ESD: variants seen among roughly 807,000 people sequenced by gnomAD.
The protein encoded by ESD is esterase D.
Under a neutral mutation model 38.1 loss-of-function variants are expected in ESD, and 34 were observed. That is an observed-to-expected ratio of 0.89 (90% CI 0.68 to 1.19). The LOEUF (loss-of-function observed/expected upper bound fraction) is 1.19, where lower values mean the gene tolerates loss of function less well. Among genes scored for constraint, ESD ranks in the 50% most tolerant of loss-of-function variants. The pLI, the probability that ESD is intolerant of heterozygous loss-of-function variation, is 0.00. For synonymous variants in ESD, 97 were observed against 107.0 expected, an observed-to-expected ratio of 0.91 and a Z score of 0.58; for missense variants, 334 against 327.2, an observed-to-expected ratio of 1.02 and a Z score of -0.16.
At position 46,771,472 on chromosome 13, in the gene ESD, T is replaced by C. The variant is rs1276111212; in HGVS notation, c.793A>G (p.Ile265Val). The change falls in exon 10 of 10, where the codon ATT becomes GTT. Residue 265 changes from isoleucine (I) to valine (V), a missense_variant. Physicochemically the swap from Ile to Val is conservative, Grantham distance 29. Transcript: ENST00000378720. ...QEGYDHSYYF[I>V]ATFITDHIRH... ...ATGTGGTCAGTAATAAAGGTTGCAATGAAGTAGTAGCTATGATCATAACCC... is the reference window on the plus strand; with the variant it reads ...ATGTGGTCAGTAATAAAGGTTGCAACGAAGTAGTAGCTATGATCATAACCC... The C allele has an allele frequency of 1.2e-6, 2 of 1,606,718 alleles. No homozygotes were observed. Among genetic ancestry groups the C allele is most frequent in the Non-Finnish European group, 1.7e-6 (2 of 1,174,338 alleles).
At chr13:46,778,776 T>C (rs567716407) in intron 8 of ESD, among the ~76,000 whole-genome samples, 1 of 151,944 alleles carries the variant, frequency 6.6e-6, no homozygotes, top group South Asian at 2.1e-4. Context: ...AAATCATTTC[T>C]AGCATTCTTC....
In ESD at chr13:46,781,608, T is replaced by C; in HGVS notation, c.389A>G (p.Gln130Arg). 6.2e-7 allele frequency: 1 copy of C among 1,606,944 alleles called. No individual in the cohort carries two copies. Among genetic ancestry groups the C allele is most frequent in the East Asian group, 2.2e-5 (1 of 44,682 alleles). Residue 130 changes from glutamine to arginine, a missense_variant, in exon 7 of 10, where the codon CAA (glutamine) becomes CGA (arginine). Gln to Arg is a conservative substitution (Grantham distance 43, BLOSUM62 1). Coordinates refer to ENST00000378720, the MANE Select transcript of ESD (RefSeq NM_001984.2). ...CACTGGAAAATTGGCATTTATGAGTTGGGGAAGCTAGAAAAAATTTAATAG... is the reference window on the plus strand; with the variant it reads ...CACTGGAAAATTGGCATTTATGAGTCGGGGAAGCTAGAAAAAATTTAATAG... Reference protein sequence around the residue: ...MYSYVTEELPQLINANFPVDP... With the variant: ...MYSYVTEELPRLINANFPVDP...
intron 9 of ESD, among the ~76,000 whole-genome samples, chr13:46,774,891 T>C (rs1178131375): frequency 6.6e-6 from 1 of 152,190 alleles, no homozygotes; most frequent in Non-Finnish European, 1.5e-5. Flanking sequence ...TCTACATTTC[T>C]GGGATTCTCT....
At chr13:46,793,721 TA>T (rs1480756885) in intron 1 of ESD, among the ~76,000 whole-genome samples, 1 of 152,214 alleles carries the variant, frequency 6.6e-6, no homozygotes, top group Non-Finnish European at 1.5e-5. Flanking sequence ...GAAAGTTTTT[TA>T]TCTTTTTAAA....
At position 46,787,101 on chromosome 13, in the gene ESD, A is replaced by G; in HGVS notation, c.77T>C (p.Leu26Pro). The G allele has an allele frequency of 6.4e-7, 1 of 1,562,864 alleles. No homozygotes were observed. Among genetic ancestry groups the G allele is most frequent in the South Asian group, 1.2e-5 (1 of 84,062 alleles). The change falls in exon 4 of 10, where the codon CTA (leucine) becomes CCA (proline). Residue 26 changes from leucine to proline, a missense_variant. Transcript: ENST00000378720. ...QKVFEHDSVE[L>P]NCKMKFAVYL... ...GACAGCAAATTTCATTTTGCAGTTTAGTTCAACACTAGTTTTAACAAAAAC... is the reference window on the plus strand; with the variant it reads ...GACAGCAAATTTCATTTTGCAGTTTGGTTCAACACTAGTTTTAACAAAAAC...
At chr13:46,772,792 C>A (rs573601305) in intron 9 of ESD, among the ~76,000 whole-genome samples, 17 of 152,200 alleles carry the variant, frequency 1.1e-4, no homozygotes, top group Non-Finnish European at 1.8e-4. Context: ...TCAAGCGATT[C>A]TCCTGCCTCA....
chr13:46,776,199 T>G (rs983654245), intron 9 of ESD: 7 of 153,358 alleles, frequency 4.6e-5, no homozygotes, highest in African/African-American at 1.7e-4. Context: ...CAAATAAATC[T>G]AAAACAAAAT....
intron 9 of ESD, among the ~76,000 whole-genome samples, chr13:46,773,485 A>C (rs1009991553): frequency 6.6e-6 from 1 of 152,250 alleles, no homozygotes; most frequent in Non-Finnish European, 1.5e-5. Context: ...ATTTTGAACT[A>C]GTGAATGGTC....
intron 4 of ESD, 110 bp from the exon 5 acceptor site, chr13:46,784,460 A>T: frequency 1.4e-6 from 1 of 705,752 alleles, no homozygotes; most frequent in Non-Finnish European, 2.4e-6. Flanking sequence ...GGGCTGAAAA[A>T]CTACCAGTTA....
chr13:46,771,682 T>A (rs1312488512), intron 9 of ESD, among the ~76,000 whole-genome samples, 186 bp from the exon 10 acceptor site: 1 of 152,160 alleles, frequency 6.6e-6, no homozygotes, highest in Non-Finnish European at 1.5e-5. Flanking sequence ...CACTGTACAT[T>A]AAAAGAGCAG....
chr13:46,783,526 A>G (rs917529489), intron 5 of ESD, among the ~76,000 whole-genome samples: 2 of 143,148 alleles, frequency 1.4e-5, no homozygotes, highest in African/African-American at 5.4e-5. Context: ...GTTTATGATA[A>G]CAAAATTTTA....
At chr13:46,773,236 A>T (rs2138281419) in intron 9 of ESD, among the ~76,000 whole-genome samples, 1 of 152,272 alleles carries the variant, frequency 6.6e-6, no homozygotes, top group African/African-American at 2.4e-5. Flanking sequence ...TAACAGAATG[A>T]TTTATATTCC....
At chr13:46,793,858 G>A (rs866204632) in intron 1 of ESD, among the ~76,000 whole-genome samples, 14 of 152,046 alleles carry the variant, frequency 9.2e-5, no homozygotes, top group Non-Finnish European at 1.8e-4. Context: ...GTTGTAAGTC[G>A]AACTTGTAAC....
At chr13:46,780,853 T>G (rs1460955789) in intron 7 of ESD, among the ~76,000 whole-genome samples, 1 of 151,736 alleles carries the variant, frequency 6.6e-6, no homozygotes, top group Non-Finnish European at 1.5e-5. Flanking sequence ...AAACCAATTT[T>G]AAGGGCATGA....
intron 9 of ESD, among the ~76,000 whole-genome samples, chr13:46,774,791 T>C (rs1218716926): frequency 6.6e-6 from 1 of 152,166 alleles, no homozygotes; most frequent in East Asian, 1.9e-4. Flanking sequence ...GAGGAAGACT[T>C]TGCACTGTAT....
chr13:46,781,460 A>C, intron 7 of ESD, 36 bp downstream of exon 7: 1 of 1,525,716 alleles, frequency 6.6e-7, no homozygotes, highest in Non-Finnish European at 8.9e-7. Context: ...GTTATTCAAG[A>C]GAAATATTTA....
At chr13:46,795,880 G>A (rs1875556503) in intron 1 of ESD, among the ~76,000 whole-genome samples, 1 of 151,928 alleles carries the variant, frequency 6.6e-6, no homozygotes, top group South Asian at 2.1e-4. Flanking sequence ...TCAGCCTCTG[G>A]AGTAGTTGGG....
intron 2 of ESD, among the ~76,000 whole-genome samples, 167 bp from the exon 3 acceptor site, chr13:46,791,587 G>A (rs543781273): frequency 1.6e-4 from 24 of 151,584 alleles, no homozygotes; most frequent in Admixed American, 6.6e-5. Flanking sequence ...ACTGATTAAC[G>A]CTCATACATG....
intron 8 of ESD, among the ~76,000 whole-genome samples, chr13:46,779,155 C>T (rs1036672635): frequency 1.3e-5 from 2 of 151,704 alleles, no homozygotes; most frequent in African/African-American, 2.4e-5. Flanking sequence ...CACTTGAAAG[C>T]ACCTGTTTGC....
Sources: gnomAD v4.1 joint callset for allele counts (sites outside exome capture counted in the v4.1 genomes callset) on GRCh38, gnomAD v4.1.1 for gene constraint, MANE v1.5 for transcripts, NCBI Gene and HGNC (gene_info 2026-07-23, HGNC 2026-07-21) for gene names.